PIGF: variants seen among roughly 807,000 people sequenced by gnomAD.
PIGF encodes the protein GPI ethanolamine phosphate transferase, stabilizing subunit.
Under a neutral mutation model 26.0 loss-of-function variants are expected in PIGF, and 23 were observed. That is an observed-to-expected ratio of 0.88 (90% CI 0.64 to 1.25). The LOEUF (loss-of-function observed/expected upper bound fraction) is 1.25. Among genes scored for constraint, PIGF ranks in the 50% most tolerant of loss-of-function variants. The pLI is 0.00. For missense variants in PIGF, 278 were observed against 249.9 expected (o/e 1.11, Z -0.76); for synonymous variants, 93 against 92.6 (o/e 1.00, Z -0.03).
chr2:46,592,631 C>G lies in PIGF; in HGVS notation c.438-48G>C, dbSNP rs1196420962. ...TCGTTGGTGGTATATACATGAGCTG[C>G]TGGAGAATCCAACAAGCACTAGCAC... On this transcript the variant is annotated intron_variant, in intron 4 of 5. Transcript: ENST00000281382. The G allele has an allele frequency of 3.4e-6, 3 of 881,816 alleles. No individual in the cohort carries two copies. The African/African-American group carries it at 4.9e-5, about 14-fold the overall frequency. The allele number at this position is 881,816 out of a possible 1,614,324, so 54.6% of individuals were successfully genotyped here.
intron 4 of PIGF, among the ~76,000 whole-genome samples, chr2:46,593,050 C>T (rs1669771854): frequency 1.3e-5 from 2 of 152,046 alleles, no homozygotes; most frequent in African/African-American, 4.8e-5. Flanking sequence ...ATGTTATAAA[C>T]CAAGTTTTGC....
At chr2:46,582,672 A>G (rs1669437954) in intron 5 of PIGF, 1 of 152,586 alleles carries the variant, frequency 6.6e-6, no homozygotes, top group Non-Finnish European at 1.5e-5. Flanking sequence ...ACATGACTTG[A>G]GCTTATAGCT....
chr2:46,581,555 C>T lies in PIGF; in HGVS notation c.583G>A (p.Gly195Ser). ...GAAATAACAAGGCCAGCCACGTAGCCAAAGGTCGCTCCAAGCGTACAGGAG... is the reference window on the plus strand; with the variant it reads ...GAAATAACAAGGCCAGCCACGTAGCTAAAGGTCGCTCCAAGCGTACAGGAG... ...PISCTLGATFGYVAGLVISPL... is the reference protein window; with the variant it reads ...PISCTLGATFSYVAGLVISPL... Residue 195 changes from glycine to serine, a missense_variant, in exon 6 of 6, where the codon GGC becomes AGC. By Grantham distance (56) the Gly-to-Ser change is moderately conservative (BLOSUM62 0). Coordinates refer to ENST00000281382, the MANE Select transcript of PIGF (RefSeq NM_002643.4). The T allele has an allele frequency of 6.2e-7, 1 of 1,611,440 alleles. No homozygotes were observed. Among genetic ancestry groups the T allele is most frequent in the South Asian group, 1.1e-5 (1 of 90,952 alleles).
chr2:46,605,185 C>T (rs1327057537), intron 4 of PIGF, among the ~76,000 whole-genome samples: 2 of 151,972 alleles, frequency 1.3e-5, no homozygotes, highest in African/African-American at 4.8e-5. Flanking sequence ...CTCTAATGTT[C>T]AACGAGTTAA....
chr2:46,587,767 T>C (rs1465196132), intron 5 of PIGF, among the ~76,000 whole-genome samples: 1 of 152,152 alleles, frequency 6.6e-6, no homozygotes, highest in Non-Finnish European at 1.5e-5. Context: ...AATATTCTCC[T>C]ACAAATAAAT....
At chr2:46,613,061 A>T (rs961783670) in intron 3 of PIGF, among the ~76,000 whole-genome samples, 2 of 136,036 alleles carry the variant, frequency 1.5e-5, no homozygotes, top group African/African-American at 5.1e-5. Flanking sequence ...TATATATATA[A>T]AATGGTATAC....
intron 4 of PIGF, among the ~76,000 whole-genome samples, 167 bp from the exon 5 acceptor site, chr2:46,592,750 G>A (rs1669760343): frequency 6.6e-6 from 1 of 152,140 alleles, no homozygotes. Flanking sequence ...TAGTTAATTG[G>A]TAAGAAGATG....
chr2:46,613,615 C>A, intron 3 of PIGF, 79 bp downstream of exon 3: 1 of 1,009,990 alleles, frequency 9.9e-7, no homozygotes, highest in South Asian at 1.7e-5. Context: ...TGGTTTTTCT[C>A]TAGTTGCTAA....
At chr2:46,590,610 T>C (rs1669697406) in intron 5 of PIGF, among the ~76,000 whole-genome samples, 1 of 152,176 alleles carries the variant, frequency 6.6e-6, no homozygotes, top group Non-Finnish European at 1.5e-5. Flanking sequence ...TTAGATTTAA[T>C]TGCATTACTT....
chr2:46,611,329 GA>G (rs1670408255), intron 4 of PIGF, among the ~76,000 whole-genome samples: 1 of 151,784 alleles, frequency 6.6e-6, no homozygotes, highest in Non-Finnish European at 1.5e-5. Flanking sequence ...ACTAAAAATA[GA>G]AAAATTAGCT....
rs1398310344 is a variant in PIGF, at chr2:46,614,810, G to C, written c.228+127C>G. 4 of 586,898 alleles carry C rather than the reference G, an allele frequency of 6.8e-6. No individual in the cohort carries two copies. The African/African-American group carries it at 7.5e-5, about 11-fold the overall frequency. 36.4% of individuals were successfully genotyped at this position (586,898 alleles called of 1,614,324 possible). ...CCAAGTAACAGCCTACCAATTTGGG[G>C]GGAAAAATATCAGGTTCCCTTTGCT... On this transcript the variant is annotated intron_variant, in intron 2 of 5. Transcript: ENST00000281382.
At chr2:46,613,593 T>C (rs1670497214) in intron 3 of PIGF, 101 bp downstream of exon 3, 1 of 769,808 alleles carries the variant, frequency 1.3e-6, no homozygotes. Flanking sequence ...GATCTATTAA[T>C]GATGCACATC....
chr2:46,582,093 A>C (rs1308264439), intron 5 of PIGF: 1 of 154,922 alleles, frequency 6.5e-6, no homozygotes, highest in Non-Finnish European at 1.4e-5. Flanking sequence ...CACCTTTCAG[A>C]TATAGATGTT....
In PIGF at chr2:46,592,952, C is replaced by A. The variant is rs1669766995; in HGVS notation, c.438-369G>T. Among the ~76,000 whole-genome samples the A allele has an allele frequency of 2.0e-5, 3 of 152,180 alleles. No homozygotes were observed. The South Asian group carries it at 6.2e-4, about 31-fold the overall frequency. The stretch of plus-strand genomic sequence containing the variant: ...TATTTTATACAGGCACAAATACACA[C>A]ATAATTTTGTTTTGAAGGATATATG... On this transcript the variant is annotated intron_variant, in intron 4 of 5. Coordinates refer to ENST00000281382, the MANE Select transcript of PIGF (RefSeq NM_002643.4).
intron 5 of PIGF, chr2:46,591,447 C>T (rs1901263): frequency 0.5 from 285,021 of 571,110 alleles, 73,281 homozygotes; most frequent in African/African-American, 0.73. Context: ...ACATTATCTT[C>T]GTGATCAGAA....
intron 5 of PIGF, among the ~76,000 whole-genome samples, chr2:46,587,918 G>C (rs977824030): frequency 6.6e-6 from 1 of 152,244 alleles, no homozygotes; most frequent in South Asian, 2.1e-4. Flanking sequence ...GAAAAGCTAT[G>C]TTTTAGTTTC....
chr2:46,602,873 G>T (rs1442710322), intron 4 of PIGF, among the ~76,000 whole-genome samples: 1 of 151,844 alleles, frequency 6.6e-6, no homozygotes, highest in South Asian at 2.1e-4. Context: ...AGAGCAATCA[G>T]ATGAGAGAAA....
At chr2:46,612,916 G>A (rs1670472112) in intron 3 of PIGF, among the ~76,000 whole-genome samples, 1 of 152,078 alleles carries the variant, frequency 6.6e-6, no homozygotes, top group South Asian at 2.1e-4. Context: ...CACTGTGCCA[G>A]ACACATTCAT....
At chr2:46,610,883 C>T (rs1412431380) in intron 4 of PIGF, among the ~76,000 whole-genome samples, 1 of 152,184 alleles carries the variant, frequency 6.6e-6, no homozygotes, top group Non-Finnish European at 1.5e-5. Context: ...AGCCAAGCTA[C>T]TCAGCATGCA....
Sources: gnomAD v4.1 joint callset for allele counts (sites outside exome capture counted in the v4.1 genomes callset) on GRCh38, gnomAD v4.1.1 for gene constraint, MANE v1.5 for transcripts, NCBI Gene and HGNC (gene_info 2026-07-23, HGNC 2026-07-21) for gene names.